The following VAV1 variants were observed in gnomAD, a reference collection of about 807,000 sequenced individuals.
VAV1 encodes vav guanine nucleotide exchange factor 1.
Under a neutral mutation model 128.1 loss-of-function variants are expected in VAV1, and 33 were observed. The observed-to-expected ratio is 0.26, with a 90% CI of 0.20 to 0.34. The LOEUF is 0.34. Ranked by LOEUF, VAV1 falls within the 10% of genes least tolerant of loss-of-function variation. The pLI is 1.00. For synonymous variants in VAV1, 394 were observed against 409.8 expected, an observed-to-expected ratio of 0.96 and a Z score of 0.47; for missense variants, 715 against 1,093.7, an observed-to-expected ratio of 0.65 and a Z score of 4.88.
intron 1 of VAV1, among the ~76,000 whole-genome samples, chr19:6,788,584 C>T (rs1599623094): frequency 6.6e-6 from 1 of 152,014 alleles, no homozygotes; most frequent in East Asian, 1.9e-4. Flanking sequence ...ACCAGATTGG[C>T]CAGGCTGGTC....
intron 1 of VAV1, among the ~76,000 whole-genome samples, chr19:6,814,716 C>CTTTCTTTCTTTCTTTCTTTCTTTCTTTT (rs1555701502): frequency 1.2e-4 from 16 of 132,094 alleles, no homozygotes; most frequent in Non-Finnish European, 1.9e-4. Context: ...TTCTTTCTTT[C>CTTTCTTTCTTTCTTTCTTTCTTTCTTTT]TTTCTTTCTT....
At chr19:6,846,377 A>G (rs939433827) in intron 22 of VAV1, among the ~76,000 whole-genome samples, 64 of 151,158 alleles carry the variant, frequency 4.2e-4, no homozygotes, top group African/African-American at 1.5e-3. Context: ...ACTTGAGGTC[A>G]GGAGTTCGAG....
chr19:6,806,712 A>C (rs1971405009), intron 1 of VAV1, among the ~76,000 whole-genome samples: 1 of 152,190 alleles, frequency 6.6e-6, no homozygotes, highest in Admixed American at 6.5e-5. Context: ...TAATCTCTGA[A>C]CCAATAGTCA....
In VAV1 at chr19:6,828,077, A is replaced by C; in HGVS notation, c.929A>C (p.Glu310Ala). ...AREDVQMKLEECSQRANNGRF... is the reference protein window; with the variant it reads ...AREDVQMKLEACSQRANNGRF... ...CCCCATTGTTCTCTGATTCCCCAGG[A>C]ATGTTCTCAGAGAGCCAACAACGGG... Residue 310 changes from glutamate (E) to alanine (A), a missense_variant and splice_region_variant, in exon 10 of 27, where the codon GAA becomes GCA. Around this residue, in one of 3 missense-constraint regions of VAV1, gnomAD observed 302 missense variants for 477.8 expected, o/e 0.63. Coordinates refer to ENST00000602142, the MANE Select transcript of VAV1 (RefSeq NM_005428.4). The surrounding 1 kb of genome is among the most constrained non-coding windows in gnomAD (Gnocchi z 4.5). 6.2e-7 allele frequency: 1 copy of C among 1,613,988 alleles called. No homozygotes were observed. Among genetic ancestry groups the C allele is most frequent in the Non-Finnish European group, 8.5e-7 (1 of 1,179,938 alleles).
At chr19:6,789,365 G>T (rs953264392) in intron 1 of VAV1, among the ~76,000 whole-genome samples, 1 of 151,366 alleles carries the variant, frequency 6.6e-6, no homozygotes, top group African/African-American at 2.4e-5. Flanking sequence ...CCATTCTCCT[G>T]CCTCAGCCTC....
chr19:6,843,115 G>GTC lies in VAV1; in HGVS notation c.1981-12_1981-11dup. 1 of 1,613,870 alleles carries GTC rather than the reference G, an allele frequency of 6.2e-7. No homozygotes were observed. The highest frequency in any genetic ancestry group is 8.5e-7 in the Non-Finnish European group (1 of 1,179,898). ...GCTGGGGTCTTTACACTAAGTTGGG[G>GTC]TCTCTCTCTGTATTCTTAGGGCCCT... On this transcript the variant is annotated intron_variant, in intron 21 of 26. Transcript: ENST00000602142.
chr19:6,799,198 C>T (rs957285800), intron 1 of VAV1, among the ~76,000 whole-genome samples: 6 of 151,976 alleles, frequency 3.9e-5, no homozygotes, highest in East Asian at 1.9e-4. Flanking sequence ...GATGGAGTCT[C>T]GCTCTGTCGC....
Position 6,848,045 on chromosome 19 carries a change from A to G in VAV1, c.2060A>G (p.Asn687Ser), listed in dbSNP as rs1182028191. ...ERAGAESILA[N>S]RSDGTFLVRQ... Reference sequence around the variant, plus strand: ...GCAGGGGCAGAGAGCATCCTGGCCAACCGCTCGGACGGGACTTTCTTGGTG... The same window carrying G: ...GCAGGGGCAGAGAGCATCCTGGCCAGCCGCTCGGACGGGACTTTCTTGGTG... Residue 687 changes from asparagine to serine, a missense_variant, in exon 23 of 27, where the codon AAC (asparagine) becomes AGC (serine). Physicochemically the swap from Asn to Ser is conservative, Grantham distance 46. This residue lies in a region of VAV1 where 407 missense variants were observed against 580.6 expected (regional missense o/e 0.70). Coordinates refer to ENST00000602142, the MANE Select transcript of VAV1 (RefSeq NM_005428.4). 6.5e-7 allele frequency: 1 copy of G among 1,537,616 alleles called. No individual in the cohort carries two copies. The highest frequency in any genetic ancestry group is 8.7e-7 in the Non-Finnish European group (1 of 1,150,808).
At position 6,825,853 on chromosome 19, in the gene VAV1, C is replaced by T. The variant is rs149336151; in HGVS notation, c.827+447C>T. Among the ~76,000 whole-genome samples, 20 of 151,884 alleles carry T rather than the reference C, an allele frequency of 1.3e-4. 1 individual carries two copies. The East Asian group carries it at 3.5e-3, about 26-fold the overall frequency. On this transcript the variant is annotated intron_variant, in intron 8 of 26. Transcript: ENST00000602142. ...CAGGCTGGCCAATATGGTGAAACCCCGTCTCCATCGCCTAAAAATACAACT... is the reference window on the plus strand; with the variant it reads ...CAGGCTGGCCAATATGGTGAAACCCTGTCTCCATCGCCTAAAAATACAACT...
chr19:6,812,157 T>C (rs1237432448), intron 1 of VAV1, among the ~76,000 whole-genome samples: 1 of 152,142 alleles, frequency 6.6e-6, no homozygotes, highest in Admixed American at 6.5e-5. Context: ...CAATTCCATA[T>C]TATGGAAGAG....
chr19:6,791,860 G>C (rs1210785672), intron 1 of VAV1, among the ~76,000 whole-genome samples: 1 of 152,142 alleles, frequency 6.6e-6, no homozygotes, highest in Non-Finnish European at 1.5e-5. Flanking sequence ...AGGCAGAGAG[G>C]GCAAAGACTG....
intron 1 of VAV1, among the ~76,000 whole-genome samples, chr19:6,786,225 A>G (rs1467181727): frequency 6.6e-6 from 1 of 152,198 alleles, no homozygotes; most frequent in Non-Finnish European, 1.5e-5. Context: ...TTCATTTATC[A>G]TATGAATATA....
intron 25 of VAV1, among the ~76,000 whole-genome samples, chr19:6,853,571 A>C (rs1972718500): frequency 2.0e-5 from 3 of 151,844 alleles, no homozygotes. Context: ...TAAAAAAAAA[A>C]AACATAAAAA....
chr19:6,856,997 A>G, intron 26 of VAV1, 57 bp from the exon 27 acceptor site: 1 of 1,536,018 alleles, frequency 6.5e-7, no homozygotes, highest in Non-Finnish European at 9.0e-7. Context: ...TGGTGTGTGG[A>G]GGGGCAGTAG....
intron 19 of VAV1, among the ~76,000 whole-genome samples, chr19:6,835,050 T>TA (rs1457094069): frequency 6.6e-6 from 1 of 151,886 alleles, no homozygotes; most frequent in East Asian, 1.9e-4. Context: ...TTCAAAAAAA[T>TA]AAAAAAATAA....
chr19:6,847,281 C>A (rs1241682430), intron 22 of VAV1, among the ~76,000 whole-genome samples: 1 of 152,118 alleles, frequency 6.6e-6, no homozygotes, highest in Non-Finnish European at 1.5e-5. Flanking sequence ...ATTCTCAGCA[C>A]CCCCAAGAGA....
chr19:6,823,916 T>C (rs1220883308), intron 6 of VAV1, among the ~76,000 whole-genome samples: 1 of 151,842 alleles, frequency 6.6e-6, no homozygotes, highest in Non-Finnish European at 1.5e-5. Flanking sequence ...TGTTTTGTTT[T>C]GGTTTTTTTT....
At chr19:6,804,786 C>G (rs1259586884) in intron 1 of VAV1, among the ~76,000 whole-genome samples, 2 of 148,604 alleles carry the variant, frequency 1.3e-5, no homozygotes, top group Non-Finnish European at 3.0e-5. Context: ...TGCAGTGGCG[C>G]AATCTTGGCT....
At chr19:6,830,932 TA>T (rs918855832) in intron 14 of VAV1, among the ~76,000 whole-genome samples, 3 of 151,212 alleles carry the variant, frequency 2.0e-5, no homozygotes, top group African/African-American at 7.3e-5. Context: ...CTACAAAACA[TA>T]AAAAAAAATT....
Sources: allele counts gnomAD v4.1 joint callset (sites outside exome capture counted in the v4.1 genomes callset), GRCh38; gene constraint gnomAD v4.1.1; regional missense constraint gnomAD v4.1.1; non-coding constraint Gnocchi (gnomAD v3.1); transcripts MANE v1.5; gene names NCBI Gene and HGNC (gene_info 2026-07-23, HGNC 2026-07-21).